The following INSL6 variants were observed in gnomAD, a reference collection of about 807,000 sequenced individuals.
INSL6 encodes the protein insulin like 6.
In INSL6, 16 loss-of-function variants were observed where a neutral mutation model predicts 9.4. The observed-to-expected ratio is 1.70, with a 90% CI of 1.15 to 2.59. The LOEUF is 2.59. Among genes scored for constraint, INSL6 ranks in the 30% most tolerant of loss-of-function variants. The pLI, the probability that INSL6 is intolerant of heterozygous loss-of-function variation, is 0.00. For synonymous variants in INSL6, 154 were observed against 96.9 expected (o/e 1.59, Z -3.46); for missense variants, 391 against 257.3 (o/e 1.52, Z -3.56).
chr9:5,143,579 T>C (rs1305805843), intron 2 of INSL6, among the ~76,000 whole-genome samples: 3 of 152,146 alleles, frequency 2.0e-5, no homozygotes, highest in African/African-American at 7.2e-5. Flanking sequence ...TTTCTCTCTT[T>C]GCTTCTTTTT....
the INSL6 span, chr9:5,100,305 G>C: frequency 6.6e-6 from 1 of 152,106 alleles, no homozygotes; most frequent in Non-Finnish European, 1.5e-5. Context: ...AGCTCTCTCA[G>C]CTCTACTAAT....
At chr9:5,185,276 CA>C (rs1283246803) in intron 1 of INSL6, 37 bp downstream of exon 1, 4 of 1,613,086 alleles carry the variant, frequency 2.5e-6, no homozygotes, top group Non-Finnish European at 3.4e-6. Context: ...AAGAAATATA[CA>C]GAGGTGAACA....
At chr9:5,033,557 C>T in the INSL6 span, among the ~76,000 whole-genome samples, 1 of 152,202 alleles carries the variant, frequency 6.6e-6, no homozygotes, top group South Asian at 2.1e-4. Flanking sequence ...AGAAACTCTA[C>T]AAGCCAGAAG....
chr9:5,085,342 A>T, the INSL6 span: 1 of 887,224 alleles, frequency 1.1e-6, no homozygotes, highest in Non-Finnish European at 1.9e-6. Context: ...AGCTATTCCT[A>T]CATTTTTTCC....
chr9:5,008,874 C>A, the INSL6 span, among the ~76,000 whole-genome samples: 1 of 152,102 alleles, frequency 6.6e-6, no homozygotes, highest in African/African-American at 2.4e-5. Flanking sequence ...GATTGATCCT[C>A]TTATTTCTTA....
chr9:5,135,668 C>G (rs1205219750), intron 2 of INSL6, among the ~76,000 whole-genome samples: 1 of 151,980 alleles, frequency 6.6e-6, no homozygotes, highest in Non-Finnish European at 1.5e-5. Context: ...CAAGAGAAAG[C>G]AGGAAAGAGC....
At chr9:5,073,431 C>G in the INSL6 span, among the ~76,000 whole-genome samples, 4 of 152,124 alleles carry the variant, frequency 2.6e-5, no homozygotes, top group African/African-American at 9.7e-5. Flanking sequence ...ATGGGTCAAG[C>G]CTGTTTGACT....
At chr9:5,100,511 C>A in the INSL6 span, 2 of 152,204 alleles carry the variant, frequency 1.3e-5, no homozygotes, top group African/African-American at 4.8e-5. Flanking sequence ...GAGAAGTATT[C>A]TTCTTTGCTG....
intron 2 of INSL6, among the ~76,000 whole-genome samples, chr9:5,133,842 G>A (rs554174492): frequency 6.6e-6 from 1 of 151,950 alleles, no homozygotes; most frequent in Non-Finnish European, 1.5e-5. Context: ...GACTGAGAAT[G>A]AGGTTGATGA....
chr9:5,008,047 A>G, the INSL6 span, among the ~76,000 whole-genome samples: 1 of 152,194 alleles, frequency 6.6e-6, no homozygotes, highest in African/African-American at 2.4e-5. Flanking sequence ...GAGAATTCTT[A>G]TCAAACTGTT....
At chr9:5,041,337 C>T in the INSL6 span, 4 of 682,136 alleles carry the variant, frequency 5.9e-6, no homozygotes, top group African/African-American at 1.8e-5. Context: ...AAGAGCTTGA[C>T]AGGTACGGCG....
the INSL6 span, among the ~76,000 whole-genome samples, chr9:5,037,331 A>G: frequency 0.021 from 3,211 of 152,264 alleles, 57 homozygotes; most frequent in Non-Finnish European, 0.027. Context: ...TAGAAATACC[A>G]TTTGACCCAG....
At chr9:5,165,619 T>C (rs186856864) in intron 1 of INSL6, among the ~76,000 whole-genome samples, 1 of 152,348 alleles carries the variant, frequency 6.6e-6, no homozygotes, top group East Asian at 1.9e-4. Context: ...TAATTTGTCT[T>C]CTTATGCACA....
chr9:5,038,015 C>T, the INSL6 span, among the ~76,000 whole-genome samples: 11 of 152,018 alleles, frequency 7.2e-5, no homozygotes, highest in Admixed American at 1.3e-4. Flanking sequence ...GAATAATGAA[C>T]GAGATTGCTT....
the INSL6 span, among the ~76,000 whole-genome samples, chr9:5,070,944 A>C: frequency 1.3e-5 from 2 of 152,166 alleles, no homozygotes; most frequent in South Asian, 4.1e-4. Flanking sequence ...AAACCAGGAC[A>C]CTTAAGTAAA....
chr9:4,996,865 C>T, the INSL6 span, among the ~76,000 whole-genome samples: 10 of 151,186 alleles, frequency 6.6e-5, no homozygotes, highest in Non-Finnish European at 1.2e-4. Context: ...GTAAAAGTAA[C>T]ACTGTATTAG....
chr9:5,024,670 C>T, the INSL6 span, among the ~76,000 whole-genome samples: 1 of 152,082 alleles, frequency 6.6e-6, no homozygotes, highest in African/African-American at 2.4e-5. Context: ...TATTGTTTGC[C>T]TCAACTTTAG....
chr9:5,057,526 TA>T, the INSL6 span, among the ~76,000 whole-genome samples: 1 of 151,344 alleles, frequency 6.6e-6, no homozygotes, highest in Admixed American at 6.6e-5. Context: ...ACCCATTAAA[TA>T]AAAACTCACC....
chr9:5,085,153 G>A, the INSL6 span: 1 of 648,060 alleles, frequency 1.5e-6, no homozygotes, highest in Admixed American at 1.8e-5. Flanking sequence ...ATACTGTGGA[G>A]CTCTGTCTAC....
Sources: gnomAD v4.1 joint callset for allele counts (sites outside exome capture counted in the v4.1 genomes callset) on GRCh38, gnomAD v4.1.1 for gene constraint, MANE v1.5 for transcripts, NCBI Gene and HGNC (gene_info 2026-07-23, HGNC 2026-07-21) for gene names.